ZNF398: variants seen among roughly 807,000 people sequenced by gnomAD.
ZNF398 encodes the protein zinc finger DNA binding protein ZER6.
Under a neutral mutation model 41.9 loss-of-function variants are expected in ZNF398, and 18 were observed. That is an observed-to-expected ratio of 0.43 (90% confidence interval 0.30 to 0.64). The LOEUF (loss-of-function observed/expected upper bound fraction) is 0.64. ZNF398 is among the 30% of genes least tolerant of loss of function. The pLI, the probability that ZNF398 is intolerant of heterozygous loss-of-function variation, is 0.14. For missense variants in ZNF398, 669 were observed against 822.8 expected (o/e 0.81, Z 2.29); for synonymous variants, 260 against 308.8 (o/e 0.84, Z 1.66).
At position 149,161,141 on chromosome 7, in the gene ZNF398, A is replaced by C. The variant is rs76386951; in HGVS notation, c.421-5017A>C. Among the ~76,000 whole-genome samples, 1,322 of 152,028 alleles carry C rather than the reference A, an allele frequency of 8.7e-3. 10 individuals carry two copies. Among genetic ancestry groups the C allele is most frequent in the African/African-American group, 0.015 (632 of 41,464 alleles). The stretch of plus-strand genomic sequence containing the variant: ...CCACCACCACCTCCTCACCCTGTCT[A>C]TCCCTCCTCCTCTTTGCTCTGGCTC... On this transcript the variant is annotated intron_variant, in intron 2 of 5. Coordinates refer to ENST00000475153, the MANE Select transcript of ZNF398 (RefSeq NM_170686.3).
chr7:149,165,018 C>T (rs1158342833), intron 2 of ZNF398, among the ~76,000 whole-genome samples: 1 of 151,230 alleles, frequency 6.6e-6, no homozygotes, highest in Non-Finnish European at 1.5e-5. Flanking sequence ...TGCTTGAACT[C>T]GGGAGGCAGA....
chr7:149,168,016 AC>A (rs1317513471), intron 4 of ZNF398, among the ~76,000 whole-genome samples: 1 of 152,020 alleles, frequency 6.6e-6, no homozygotes, highest in Non-Finnish European at 1.5e-5. Context: ...CTAACATTAT[AC>A]CATCCTTCCT....
intron 1 of ZNF398, among the ~76,000 whole-genome samples, chr7:149,126,988 C>T (rs1374766095): frequency 6.6e-6 from 1 of 152,242 alleles, no homozygotes; most frequent in Admixed American, 6.5e-5. Flanking sequence ...CTCGGGGCCG[C>T]CTGCGGGGAC....
At chr7:149,170,955 T>A (rs971293322) in intron 4 of ZNF398, among the ~76,000 whole-genome samples, 21 of 150,974 alleles carry the variant, frequency 1.4e-4, no homozygotes, top group Non-Finnish European at 1.8e-4. Context: ...GTGATTCTCC[T>A]GCCTCAGCCT....
rs375995099 is a variant in ZNF398, at chr7:149,166,314, A to T, written c.547+30A>T. 3.2e-6 allele frequency: 5 copies of T among 1,559,694 alleles called. No individual in the cohort carries two copies. The African/African-American group carries it at 5.5e-5, about 17-fold the overall frequency. ...GGCTGAGTTGACACCTTTTGAATGAAGTGACAGCAGCTCCAAGAGGGCTCA... is the reference window on the plus strand; with the variant it reads ...GGCTGAGTTGACACCTTTTGAATGATGTGACAGCAGCTCCAAGAGGGCTCA... On this transcript the variant is annotated intron_variant, in intron 3 of 5. Coordinates refer to ENST00000475153, the MANE Select transcript of ZNF398 (RefSeq NM_170686.3).
At chr7:149,163,000 G>C (rs1252222193) in intron 2 of ZNF398, among the ~76,000 whole-genome samples, 1 of 152,100 alleles carries the variant, frequency 6.6e-6, no homozygotes, top group Non-Finnish European at 1.5e-5. Context: ...TATTCATTCA[G>C]AGGCTGAAGT....
chr7:149,154,533 G>A (rs1156571337), intron 2 of ZNF398, among the ~76,000 whole-genome samples, 193 bp downstream of exon 2: 1 of 152,110 alleles, frequency 6.6e-6, no homozygotes, highest in East Asian at 1.9e-4. Context: ...TACCCATTTA[G>A]AGTGCCAAGA....
chr7:149,144,432 C>T (rs1826890445), upstream of ZNF398, among the ~76,000 whole-genome samples: 1 of 151,778 alleles, frequency 6.6e-6, no homozygotes. Context: ...CTCAGCCTCC[C>T]GAGTAACTGG....
chr7:149,139,378 C>A (rs1826777403), intron 2 of ZNF398, among the ~76,000 whole-genome samples: 1 of 152,080 alleles, frequency 6.6e-6, no homozygotes, highest in East Asian at 1.9e-4. Context: ...TGTGTGAATA[C>A]CTACTTTTAA....
chr7:149,155,716 T>TATTA (rs1335995239), intron 2 of ZNF398, among the ~76,000 whole-genome samples: 4 of 26,478 alleles, frequency 1.5e-4, no homozygotes, highest in African/African-American at 3.7e-4. Context: ...TATTTTTTTT[T>TATTA]TTTTTTTTTT....
chr7:149,166,408 A>G, intron 3 of ZNF398, 124 bp downstream of exon 3: 1 of 1,218,766 alleles, frequency 8.2e-7, no homozygotes. Context: ...TCTGGTTTCA[A>G]GCCAAAATAT....
chr7:149,176,795 G>C (rs1473612319), intron 5 of ZNF398, among the ~76,000 whole-genome samples: 2 of 152,132 alleles, frequency 1.3e-5, no homozygotes, highest in Non-Finnish European at 2.9e-5. Flanking sequence ...AGACAAATGA[G>C]AATTGTCAGA....
intron 5 of ZNF398, among the ~76,000 whole-genome samples, chr7:149,178,346 A>T (rs1455468377): frequency 6.6e-6 from 1 of 152,100 alleles, no homozygotes. Flanking sequence ...CCAGCTACTC[A>T]GGAGGCTAAG....
intron 2 of ZNF398, among the ~76,000 whole-genome samples, chr7:149,155,818 C>T (rs1429775834): frequency 6.7e-6 from 1 of 149,578 alleles, no homozygotes; most frequent in African/African-American, 2.5e-5. Context: ...GCTCTGCCTC[C>T]CGGGTTCACG....
In ZNF398 at chr7:149,179,884, C is replaced by T. The variant is rs1215369609; in HGVS notation, c.*83C>T. The T allele has an allele frequency of 8.0e-7, 1 of 1,256,672 alleles. No homozygotes were observed. Among genetic ancestry groups the T allele is most frequent in the Non-Finnish European group, 1.1e-6 (1 of 915,866 alleles). The allele number at this position is 1,256,672 out of a possible 1,614,324, so 77.8% of individuals were successfully genotyped here. ...GAGAAGGTCTGTGAGCCCCATCCAA[C>T]ACCCACAGTAATTATTATCTGGCAC... On this transcript the variant is annotated 3_prime_UTR_variant, in exon 6 of 6. Transcript: ENST00000475153. The surrounding 1 kb of genome is among the most constrained non-coding windows in gnomAD (Gnocchi z 6.1).
chr7:149,179,856 C>T lies in ZNF398; in HGVS notation c.*55C>T. ...TATGCTCACAGCAGGGCACAAAATCCAAGAGAAGGTCTGTGAGCCCCATCC... is the reference window on the plus strand; with the variant it reads ...TATGCTCACAGCAGGGCACAAAATCTAAGAGAAGGTCTGTGAGCCCCATCC... On this transcript the variant is annotated 3_prime_UTR_variant, in exon 6 of 6. Transcript: ENST00000475153. This position sits in a 1 kb window ranked among gnomAD's most constrained non-coding sequence, Gnocchi z 6.1. 1 of 1,476,560 alleles carries T rather than the reference C, an allele frequency of 6.8e-7. No homozygotes were observed. 91.5% of individuals were successfully genotyped at this position (1,476,560 alleles called of 1,614,324 possible).
chr7:149,131,968 C>G (rs1826603791), intron 2 of ZNF398, among the ~76,000 whole-genome samples: 1 of 152,114 alleles, frequency 6.6e-6, no homozygotes, highest in African/African-American at 2.4e-5. Context: ...TTCATCCAGT[C>G]CTCTACTAGA....
At chr7:149,139,146 G>A (rs1279656637) in intron 2 of ZNF398, among the ~76,000 whole-genome samples, 1 of 152,006 alleles carries the variant, frequency 6.6e-6, no homozygotes, top group East Asian at 1.9e-4. Context: ...TGACCTCCTC[G>A]TGATCCGCCC....
intron 2 of ZNF398, among the ~76,000 whole-genome samples, chr7:149,141,224 G>A (rs1025373942): frequency 7.3e-5 from 11 of 151,048 alleles, no homozygotes; most frequent in Non-Finnish European, 1.5e-4. Flanking sequence ...TTAAAAGAGA[G>A]TATGAAGAAA....
Sources: gnomAD v4.1 joint callset for allele counts (sites outside exome capture counted in the v4.1 genomes callset) on GRCh38, gnomAD v4.1.1 for gene constraint, Gnocchi (gnomAD v3.1) non-coding constraint, MANE v1.5 for transcripts, NCBI Gene and HGNC (gene_info 2026-07-23, HGNC 2026-07-21) for gene names.